The following TMEM109 variants were observed in gnomAD, a reference collection of about 807,000 sequenced individuals.
TMEM109 encodes the protein voltage-gated monoatomic cation channel TMEM109.
TMEM109 carries 19 observed loss-of-function variants against 26.4 expected under a neutral mutation model. The ratio of observed to expected loss-of-function variants is 0.72; its 90% CI spans 0.50 to 1.06. The LOEUF is 1.06. TMEM109 is among the 50% of genes least tolerant of loss of function. The probability of loss-of-function intolerance (pLI) is 0.00; values close to 1 mark genes in which losing one functional copy is unlikely to be tolerated. For missense variants in TMEM109, 262 were observed against 303.4 expected (o/e 0.86, Z 1.01); for synonymous variants, 129 against 142.0 (o/e 0.91, Z 0.65).
At chr11:60,917,537 T>G (rs1856186197) in intron 1 of TMEM109, among the ~76,000 whole-genome samples, 3 of 152,262 alleles carry the variant, frequency 2.0e-5, no homozygotes, top group Admixed American at 2.0e-4. Context: ...GGGTCTTAAC[T>G]TGTCTGTGGC....
Position 60,920,976 on chromosome 11 carries a change from T to C in TMEM109, c.328T>C (p.Leu110=), listed in dbSNP as rs144531765. 3 of 1,614,006 alleles carry C rather than the reference T, an allele frequency of 1.9e-6. No homozygotes were observed. Among genetic ancestry groups the C allele is most frequent in the Non-Finnish European group, 2.5e-6 (3 of 1,179,978 alleles). Residue 110 remains leucine, a synonymous_variant, in exon 3 of 4, where the codon TTG becomes CTG. Coordinates refer to ENST00000227525, the MANE Select transcript of TMEM109 (RefSeq NM_024092.3). ...SGIAAQLLNA[L]GLAGDYLAQG... is the part of the protein sequence containing the mutation. ...GATCGCCGCACAGCTGCTGAATGCC[T>C]TGGGACTAGCTGGTGAGTGTTCGAG...
Position 60,921,785 on chromosome 11 carries a change from G to C in TMEM109, c.352G>C (p.Ala118Pro). ...CTCTTGGCTTCCAGGTGATTACCTC[G>C]CCCAGGGCCTGAAGCTCAGCCCTGG... is the stretch of plus-strand genomic sequence containing the variant. ...NALGLAGDYL[A>P]QGLKLSPGQV... The change falls in exon 4 of 4, where the codon GCC (alanine) becomes CCC (proline). Residue 118 changes from alanine (A) to proline (P), a missense_variant. By Grantham distance (27) the Ala-to-Pro change is conservative. Coordinates refer to ENST00000227525, the MANE Select transcript of TMEM109 (RefSeq NM_024092.3). 6.2e-7 allele frequency: 1 copy of C among 1,609,934 alleles called. No individual in the cohort carries two copies. The highest frequency in any genetic ancestry group is 8.5e-7 in the Non-Finnish European group (1 of 1,178,956).
intron 1 of TMEM109, among the ~76,000 whole-genome samples, chr11:60,915,834 A>T (rs1856168572): frequency 6.6e-6 from 1 of 152,206 alleles, no homozygotes; most frequent in African/African-American, 2.4e-5. Context: ...TAACACAATA[A>T]GTAAAGCTGT....
intron 2 of TMEM109, 26 bp from the exon 3 acceptor site, chr11:60,920,860 C>A (rs777686171): frequency 6.3e-6 from 10 of 1,591,052 alleles, no homozygotes; most frequent in Non-Finnish European, 8.6e-6. Context: ...ATTATGAACT[C>A]ATCTCGCTCC....
intron 1 of TMEM109, among the ~76,000 whole-genome samples, chr11:60,915,912 G>C (rs1431614198): frequency 6.6e-6 from 1 of 152,210 alleles, no homozygotes; most frequent in Non-Finnish European, 1.5e-5. Context: ...AGAAGTGGCA[G>C]GTTTTGTCTC....
At position 60,914,983 on chromosome 11, in the gene TMEM109, C is replaced by T. The variant is rs75813535; in HGVS notation, c.-9+715C>T. 4.0e-3 allele frequency among the ~76,000 whole-genome samples: 606 copies of T among 152,338 alleles called. 4 individuals are homozygous for T. The highest frequency in any genetic ancestry group is 0.013 in the African/African-American group (550 of 41,578). On this transcript the variant is annotated intron_variant, in intron 1 of 3. Transcript: ENST00000227525. ...TGGATCTACTATTAAAATAACCTCC[C>T]TCCTCACCTCTCCATGGCTTTCTCG...
intron 1 of TMEM109, chr11:60,919,133 A>T (rs1856204328): frequency 6.3e-6 from 1 of 158,818 alleles, no homozygotes; most frequent in Non-Finnish European, 1.4e-5. Context: ...AGGAGGATAA[A>T]AGCCACCTCA....
intron 1 of TMEM109, 27 bp from the exon 2 acceptor site, chr11:60,919,659 C>T (rs771990512): frequency 2.5e-6 from 4 of 1,580,270 alleles, no homozygotes; most frequent in South Asian, 1.1e-5. Flanking sequence ...CCATGGCACT[C>T]AGCTCACTGT....
At position 60,922,375 on chromosome 11, in the gene TMEM109, T is replaced by A; in HGVS notation, c.*210T>A. 6.5e-7 allele frequency: 1 copy of A among 1,532,188 alleles called. No individual in the cohort carries two copies. Among genetic ancestry groups the A allele is most frequent in the Non-Finnish European group, 8.7e-7 (1 of 1,144,710 alleles). The allele number at this position is 1,532,188 out of a possible 1,614,324, so 94.9% of individuals were successfully genotyped here. A position where few individuals can be genotyped will look rare whatever the true frequency, so the allele number is the denominator to read the frequency against. On this transcript the variant is annotated 3_prime_UTR_variant, in exon 4 of 4. Transcript: ENST00000227525. ...CGGCCCTGTCTTCTGAGGTTCTCTGTCTGGGGTTGGCTCTCTTAACCCTTT... is the reference window on the plus strand; with the variant it reads ...CGGCCCTGTCTTCTGAGGTTCTCTGACTGGGGTTGGCTCTCTTAACCCTTT...
chr11:60,921,081 C>A, intron 3 of TMEM109, 93 bp downstream of exon 3: 1 of 1,140,760 alleles, frequency 8.8e-7, no homozygotes, highest in Admixed American at 1.8e-5. Context: ...GCCTTTTCCC[C>A]AAGCTGCTTA....
chr11:60,919,874 G>A lies in TMEM109; in HGVS notation c.181G>A (p.Val61Met). 1.9e-6 allele frequency: 3 copies of A among 1,614,220 alleles called. No homozygotes were observed. Among genetic ancestry groups the A allele is most frequent in the Non-Finnish European group, 2.5e-6 (3 of 1,180,032 alleles). ...VDVLTQIGRS[V>M]RGTLDAWIGP... The stretch of plus-strand genomic sequence containing the variant: ...TGTCTTGACCCAGATAGGTCGATCT[G>A]TGCGAGGGACACTGGATGCCTGGAT... The change falls in exon 2 of 4, where the codon GTG (valine) becomes ATG (methionine). Residue 61 changes from valine to methionine, a missense_variant. Coordinates refer to ENST00000227525, the MANE Select transcript of TMEM109 (RefSeq NM_024092.3).
At chr11:60,920,779 C>T (rs1318472572) in intron 2 of TMEM109, 107 bp from the exon 3 acceptor site, 3 of 1,025,154 alleles carry the variant, frequency 2.9e-6, no homozygotes, top group Non-Finnish European at 4.5e-6. Flanking sequence ...GGGTGAGAAA[C>T]AGGTCTGAGA....
rs1018329931 is a variant in TMEM109, at chr11:60,923,300, G to A, written c.*1135G>A. ...TGCCAGGCTTGGCACATGATGTGAA[G>A]AATAAATGCCCAATTCTTACTGTTC... On this transcript the variant is annotated 3_prime_UTR_variant, in exon 4 of 4. Transcript: ENST00000227525. 1 of 152,686 alleles carries A rather than the reference G, an allele frequency of 6.5e-6. No individual in the cohort carries two copies. Among genetic ancestry groups the A allele is most frequent in the African/African-American group, 2.4e-5 (1 of 41,460 alleles). 9.5% of individuals were successfully genotyped at this position (152,686 alleles called of 1,614,324 possible).
intron 3 of TMEM109, 129 bp from the exon 4 acceptor site, chr11:60,921,645 C>T (rs747248259): frequency 1.2e-5 from 9 of 720,458 alleles, no homozygotes; most frequent in Non-Finnish European, 1.7e-5. Flanking sequence ...ACCCATATCA[C>T]TCTGAGTCTG....
intron 1 of TMEM109, among the ~76,000 whole-genome samples, chr11:60,917,912 C>T (rs11821316): frequency 1.3e-5 from 2 of 152,204 alleles, no homozygotes; most frequent in Middle Eastern, 3.2e-3. Flanking sequence ...ATCCTCCCAC[C>T]TCAGCCTCCC....
intron 1 of TMEM109, among the ~76,000 whole-genome samples, chr11:60,916,433 T>C (rs1235595196): frequency 6.6e-6 from 1 of 152,216 alleles, no homozygotes; most frequent in Non-Finnish European, 1.5e-5. Flanking sequence ...TGAAGAAGTT[T>C]TAAGACATGC....
chr11:60,915,425 C>CTTAG (rs1856162724), intron 1 of TMEM109, among the ~76,000 whole-genome samples: 1 of 152,224 alleles, frequency 6.6e-6, no homozygotes, highest in South Asian at 2.1e-4. Context: ...TGAAGCTTTG[C>CTTAG]TTAGACTTTT....
Position 60,922,657 on chromosome 11 carries a change from C to G in TMEM109, c.*492C>G, listed in dbSNP as rs911048180. 3.3e-6 allele frequency: 1 copy of G among 307,110 alleles called. No individual in the cohort carries two copies. Among genetic ancestry groups the G allele is most frequent in the Non-Finnish European group, 6.5e-6 (1 of 154,392 alleles). The allele number at this position is 307,110 out of a possible 1,614,324, so 19.0% of individuals were successfully genotyped here. ...CCAAACCATGGTCCTTTAAGGCACGCTCCTGTCCTCCTCATTGCCCAGCAG... is the reference window on the plus strand; with the variant it reads ...CCAAACCATGGTCCTTTAAGGCACGGTCCTGTCCTCCTCATTGCCCAGCAG... On this transcript the variant is annotated 3_prime_UTR_variant, in exon 4 of 4. Coordinates refer to ENST00000227525, the MANE Select transcript of TMEM109 (RefSeq NM_024092.3).
In TMEM109 at chr11:60,921,822, C is replaced by A. The variant is rs1182857089; in HGVS notation, c.389C>A (p.Thr130Asn). The change falls in exon 4 of 4, where the codon ACC becomes AAC. Residue 130 changes from threonine (T) to asparagine (N), a missense_variant. Coordinates refer to ENST00000227525, the MANE Select transcript of TMEM109 (RefSeq NM_024092.3). ...AAGCTCAGCCCTGGCCAGGTCCAGA[C>A]CTTCCTGCTGTGGGGAGCAGGGGCC... Reference protein sequence around the residue: ...GLKLSPGQVQTFLLWGAGALV... With the variant: ...GLKLSPGQVQNFLLWGAGALV... 6.2e-7 allele frequency: 1 copy of A among 1,614,062 alleles called. No homozygotes were observed. The highest frequency in any genetic ancestry group is 8.5e-7 in the Non-Finnish European group (1 of 1,180,048).
Sources: gnomAD v4.1 joint callset for allele counts (sites outside exome capture counted in the v4.1 genomes callset) on GRCh38, gnomAD v4.1.1 for gene constraint, MANE v1.5 for transcripts, NCBI Gene and HGNC (gene_info 2026-07-23, HGNC 2026-07-21) for gene names.